ZCCHC24: variants seen among roughly 807,000 people sequenced by gnomAD.
The protein encoded by ZCCHC24 is zinc finger CCHC domain-containing protein 24.
A neutral mutation model predicts 26.2 loss-of-function variants in ZCCHC24; 10 were observed. The observed-to-expected ratio is 0.38, with a 90% confidence interval of 0.24 to 0.65. The LOEUF is 0.65. Among genes scored for constraint, ZCCHC24 ranks in the 30% least tolerant of loss-of-function variants. The pLI is 0.54. For synonymous variants in ZCCHC24, 144 were observed against 147.1 expected, an observed-to-expected ratio of 0.98 and a Z score of 0.15; for missense variants, 243 against 329.1, an observed-to-expected ratio of 0.74 and a Z score of 2.03.
chr10:79,410,927 G>A (rs1234839996), intron 2 of ZCCHC24, among the ~76,000 whole-genome samples: 2 of 152,136 alleles, frequency 1.3e-5, no homozygotes, highest in African/African-American at 4.8e-5. Context: ...CAGGTGTGTG[G>A]CCTCAATCAG....
intron 2 of ZCCHC24, among the ~76,000 whole-genome samples, chr10:79,424,128 C>T (rs2395577): frequency 0.26 from 39,863 of 152,098 alleles, 5,504 homozygotes; most frequent in East Asian, 0.52. Context: ...GAGAAGGCAG[C>T]CCAGTGCACA....
intron 3 of ZCCHC24, among the ~76,000 whole-genome samples, chr10:79,393,372 A>G (rs1432638742): frequency 6.6e-6 from 1 of 152,172 alleles, no homozygotes; most frequent in East Asian, 1.9e-4. Context: ...GACCTCCTCT[A>G]TCCATTCAGG....
chr10:79,435,847 G>A (rs1857209262), intron 1 of ZCCHC24, among the ~76,000 whole-genome samples: 1 of 152,220 alleles, frequency 6.6e-6, no homozygotes, highest in Non-Finnish European at 1.5e-5. Context: ...GAGGTGAAAG[G>A]CAAATCAGTC....
chr10:79,414,372 T>A (rs1205264213), intron 2 of ZCCHC24, among the ~76,000 whole-genome samples: 3 of 152,196 alleles, frequency 2.0e-5, no homozygotes, highest in Non-Finnish European at 4.4e-5. Context: ...CACGGAAGGT[T>A]TCAGAAGCAC....
intron 2 of ZCCHC24, 97 bp downstream of exon 2, chr10:79,432,461 G>A (rs1857144858): frequency 1.8e-5 from 23 of 1,294,820 alleles, no homozygotes; most frequent in Non-Finnish European, 2.4e-5. Context: ...GGTGGAAGGG[G>A]CCCTGGGGAC....
intron 2 of ZCCHC24, among the ~76,000 whole-genome samples, chr10:79,413,779 TGAGA>T (rs35633486): frequency 6.1e-4 from 89 of 146,630 alleles, no homozygotes; most frequent in East Asian, 1.2e-3. Context: ...TGTGTGTGTG[TGAGA>T]GAGAGAGAGA....
At chr10:79,433,091 C>T (rs993307885) in intron 1 of ZCCHC24, among the ~76,000 whole-genome samples, 1 of 152,114 alleles carries the variant, frequency 6.6e-6, no homozygotes, top group Non-Finnish European at 1.5e-5. Flanking sequence ...TTGATGATGG[C>T]TATTATTATT....
chr10:79,387,875 G>A lies in ZCCHC24; in HGVS notation c.613-1417C>T, dbSNP rs113523894. Among the ~76,000 whole-genome samples, 1,210 of 152,252 alleles carry A rather than the reference G, an allele frequency of 7.9e-3. 7 individuals carry two copies. The highest frequency in any genetic ancestry group is 0.014 in the Non-Finnish European group (924 of 68,002). The stretch of plus-strand genomic sequence containing the variant: ...GTTCTGATCCAGGGACCACCCTTCT[G>A]CCCCTGGCCCAGGGGTCATAAAACC... On this transcript the variant is annotated intron_variant, in intron 3 of 3. Coordinates refer to ENST00000372336, the MANE Select transcript of ZCCHC24 (RefSeq NM_153367.4).
chr10:79,406,881 G>A (rs1856722283), intron 2 of ZCCHC24, among the ~76,000 whole-genome samples: 1 of 152,196 alleles, frequency 6.6e-6, no homozygotes, highest in East Asian at 1.9e-4. Flanking sequence ...CTGGTGCCCT[G>A]AAAAGGGAGG....
intron 1 of ZCCHC24, chr10:79,443,985 T>C (rs2132228198): frequency 1.6e-6 from 2 of 1,290,160 alleles, no homozygotes; most frequent in South Asian, 3.4e-5. Context: ...TAGTAAATAA[T>C]GGCAGAGTTG....
At chr10:79,397,871 G>T (rs1050406046) in intron 2 of ZCCHC24, among the ~76,000 whole-genome samples, 1 of 152,210 alleles carries the variant, frequency 6.6e-6, no homozygotes, top group Non-Finnish European at 1.5e-5. Context: ...CCAGACTGGA[G>T]GTGGACTCTG....
intron 2 of ZCCHC24, among the ~76,000 whole-genome samples, chr10:79,401,082 G>A (rs191281830): frequency 6.6e-6 from 1 of 152,258 alleles, no homozygotes; most frequent in African/African-American, 2.4e-5. Context: ...ACCAGGAGGA[G>A]AGCAGGGTGG....
Position 79,384,703 on chromosome 10 carries a change from G to A in ZCCHC24, c.*1642C>T, listed in dbSNP as rs1856365934. ...CTGGACCCCTGGTTAACACTTCACT[G>A]TAACTCCTCAGTTGTACAAAGCATT... On this transcript the variant is annotated 3_prime_UTR_variant, in exon 4 of 4. Transcript: ENST00000372336. 2 of 152,698 alleles carry A rather than the reference G, an allele frequency of 1.3e-5. No individual in the cohort carries two copies. Among genetic ancestry groups the A allele is most frequent in the Admixed American group, 6.5e-5 (1 of 15,282 alleles). The allele number at this position is 152,698 out of a possible 1,614,324, so 9.5% of individuals were successfully genotyped here. A position where few individuals can be genotyped will look rare whatever the true frequency, so the allele number is the denominator to read the frequency against.
chr10:79,426,321 C>T (rs11002976), intron 2 of ZCCHC24, among the ~76,000 whole-genome samples: 53,614 of 152,040 alleles, frequency 0.35, 10,661 homozygotes, highest in Middle Eastern at 0.52. Context: ...CCCAGTTAGA[C>T]CATTAAAGGT....
intron 2 of ZCCHC24, among the ~76,000 whole-genome samples, chr10:79,400,204 C>G (rs1856610832): frequency 6.6e-6 from 1 of 152,212 alleles, no homozygotes; most frequent in South Asian, 2.1e-4. Context: ...CATTCCTTAT[C>G]CTAAGCAAAT....
chr10:79,398,685 G>A (rs1453635733), intron 2 of ZCCHC24, among the ~76,000 whole-genome samples: 1 of 152,176 alleles, frequency 6.6e-6, no homozygotes, highest in Non-Finnish European at 1.5e-5. Context: ...GAAGGACCAC[G>A]CTGCAGAAGC....
chr10:79,389,361 C>T (rs73295289), intron 3 of ZCCHC24, among the ~76,000 whole-genome samples: 344 of 152,312 alleles, frequency 2.3e-3, no homozygotes, highest in African/African-American at 7.9e-3. Context: ...TCTTCTGCAA[C>T]GTCTCCATAT....
At chr10:79,404,372 C>T (rs1856679818) in intron 2 of ZCCHC24, among the ~76,000 whole-genome samples, 1 of 152,204 alleles carries the variant, frequency 6.6e-6, no homozygotes, top group Non-Finnish European at 1.5e-5. Flanking sequence ...CCTGCTCTGG[C>T]TTTCCTCCCT....
chr10:79,386,591 C>T, intron 3 of ZCCHC24, 133 bp from the exon 4 acceptor site: 1 of 636,096 alleles, frequency 1.6e-6, no homozygotes, highest in East Asian at 2.8e-5. Context: ...GACAGAGAGG[C>T]ACACCTCTGC....
Sources: gnomAD v4.1 joint callset for allele counts (sites outside exome capture counted in the v4.1 genomes callset) on GRCh38, gnomAD v4.1.1 for gene constraint, MANE v1.5 for transcripts, NCBI Gene and HGNC (gene_info 2026-07-23, HGNC 2026-07-21) for gene names.